IKZF2: variants seen among roughly 807,000 people sequenced by gnomAD.
IKZF2 encodes the protein zinc finger protein Helios.
In IKZF2, 15 loss-of-function variants were observed where a neutral mutation model predicts 49.2. The observed-to-expected ratio is 0.30, with a 90% CI of 0.20 to 0.47. The LOEUF (loss-of-function observed/expected upper bound fraction) is 0.47. Among genes scored for constraint, IKZF2 ranks in the 20% least tolerant of loss-of-function variants. The probability of loss-of-function intolerance (pLI) is 1.00; values close to 1 mark genes in which losing one functional copy is unlikely to be tolerated. For missense variants in IKZF2, 567 were observed against 664.6 expected (o/e 0.85, Z 1.61); for synonymous variants, 227 against 221.4 (o/e 1.03, Z -0.23).
rs1553539363 is a variant in IKZF2 at position 213,005,193 on chromosome 2, G to GGGGGT, written c.*2166_*2167insACCCC. ...ATTATTATTTGGGAGTGGTTGGGTG[G>GGGGGT]GGGGGGGTGAGCGAGTCTCAAAAAC... On this transcript the variant is annotated 3_prime_UTR_variant, in exon 9 of 9. Coordinates refer to ENST00000434687, the MANE Select transcript of IKZF2 (RefSeq NM_001387220.1). 7.4e-6 allele frequency: 1 copy of GGGGGT among 135,190 alleles called. No homozygotes were observed. Among genetic ancestry groups the GGGGGT allele is most frequent in the Admixed American group, 7.8e-5 (1 of 12,824 alleles). 8.4% of individuals were successfully genotyped at this position (135,190 alleles called of 1,614,324 possible). A position where few individuals can be genotyped will look rare whatever the true frequency, so the allele number is the denominator to read the frequency against.
chr2:213,124,275 CA>C lies in IKZF2; in HGVS notation c.139+23432del, dbSNP rs1467783942. Reference sequence around the variant, plus strand: ...GCGCACACACACACACACACACACACACACACACACACACACACACACAGCC... The same window carrying C: ...GCGCACACACACACACACACACACACCACACACACACACACACACACAGCC... On this transcript the variant is annotated intron_variant, in intron 4 of 8. Transcript: ENST00000434687. 7.0e-4 allele frequency among the ~76,000 whole-genome samples: 102 copies of C among 145,900 alleles called. 1 individual carries two copies. The highest frequency in any genetic ancestry group is 2.6e-3 in the African/African-American group (95 of 35,976).
rs989241395 is a variant in IKZF2 at position 213,097,578 on chromosome 2, C to A, written c.140-40479G>T. Among the ~76,000 whole-genome samples the A allele has an allele frequency of 2.0e-5, 3 of 152,010 alleles. No homozygotes were observed. The East Asian group carries it at 5.8e-4, about 29-fold the overall frequency. Reference sequence around the variant, plus strand: ...CAAATGACTTTTAAGATCAGTCATACCCTTGAGATTCTATGACTTACAAAA... The same window carrying A: ...CAAATGACTTTTAAGATCAGTCATAACCTTGAGATTCTATGACTTACAAAA... On this transcript the variant is annotated intron_variant, in intron 4 of 8. Transcript: ENST00000434687.
chr2:213,007,560 A>C lies in IKZF2; in HGVS notation c.1381T>G (p.Phe461Val). ...KGSLKDIYKVFNGEGEQIRAF... is the reference protein window; with the variant it reads ...KGSLKDIYKVVNGEGEQIRAF... Reference sequence around the variant, plus strand: ...CTAATCTGTTCTCCTTCTCCATTGAAGACCTTGTAGATGTCCTTCAGAGAG... The same window carrying C: ...CTAATCTGTTCTCCTTCTCCATTGACGACCTTGTAGATGTCCTTCAGAGAG... Residue 461 changes from phenylalanine (F) to valine (V), a missense_variant, in exon 9 of 9, where the codon TTC becomes GTC. Physicochemically the swap from Phe to Val is conservative, Grantham distance 50 (BLOSUM62 -1). Around this residue, in one of 5 missense-constraint regions of IKZF2, gnomAD observed 310 missense variants for 326.9 expected, o/e 0.95. Coordinates refer to ENST00000434687, the MANE Select transcript of IKZF2 (RefSeq NM_001387220.1). 6.2e-7 allele frequency: 1 copy of C among 1,613,724 alleles called. No homozygotes were observed. The highest frequency in any genetic ancestry group is 1.3e-5 in the African/African-American group (1 of 75,010).
chr2:213,099,610 T>G (rs1357005791), intron 4 of IKZF2, among the ~76,000 whole-genome samples: 1 of 152,172 alleles, frequency 6.6e-6, no homozygotes, highest in African/African-American at 2.4e-5. Context: ...CAGCTTTACC[T>G]ACAAGCACAA....
intron 4 of IKZF2, among the ~76,000 whole-genome samples, chr2:213,080,613 T>C (rs1447069543): frequency 6.6e-6 from 1 of 152,152 alleles, no homozygotes; most frequent in African/African-American, 2.4e-5. Flanking sequence ...AAATGAGAAC[T>C]AAATGTTCAG....
At chr2:213,107,055 G>C (rs554868732) in intron 4 of IKZF2, among the ~76,000 whole-genome samples, 1 of 152,226 alleles carries the variant, frequency 6.6e-6, no homozygotes, top group South Asian at 2.1e-4. Context: ...CATATAGAAG[G>C]ACACGGTAAG....
At chr2:213,032,802 G>C (rs1231253276) in intron 6 of IKZF2, among the ~76,000 whole-genome samples, 1 of 152,196 alleles carries the variant, frequency 6.6e-6, no homozygotes, top group Non-Finnish European at 1.5e-5. Flanking sequence ...GTGTTGCCTT[G>C]ATGTCGATGG....
At chr2:213,075,851 ATT>A (rs561325628) in intron 4 of IKZF2, among the ~76,000 whole-genome samples, 342 of 152,220 alleles carry the variant, frequency 2.2e-3, no homozygotes, top group Non-Finnish European at 3.9e-3. Context: ...TGGAAAGAAG[ATT>A]TTTGATTTTT....
chr2:213,063,926 G>A (rs1316702235), intron 4 of IKZF2, among the ~76,000 whole-genome samples: 1 of 151,938 alleles, frequency 6.6e-6, no homozygotes, highest in Non-Finnish European at 1.5e-5. Context: ...CTTAAGTCCC[G>A]AATGGTCAGA....
At chr2:213,019,877 T>C (rs1476841284) in intron 7 of IKZF2, among the ~76,000 whole-genome samples, 3 of 152,232 alleles carry the variant, frequency 2.0e-5, no homozygotes, top group African/African-American at 7.2e-5. Context: ...TCTCAAAATA[T>C]ACTTGTTTAA....
chr2:213,143,800 G>A (rs928586295), intron 4 of IKZF2, among the ~76,000 whole-genome samples: 3 of 151,860 alleles, frequency 2.0e-5, no homozygotes, highest in Non-Finnish European at 4.4e-5. Flanking sequence ...CGCCTGAAAA[G>A]ATAATCTGAT....
chr2:213,076,407 G>A (rs6435755), intron 4 of IKZF2, among the ~76,000 whole-genome samples: 67,117 of 152,000 alleles, frequency 0.44, 16,088 homozygotes, highest in African/African-American at 0.59. Flanking sequence ...CAAATAATGT[G>A]TAGTAGGCAT....
chr2:213,077,688 C>T lies in IKZF2; in HGVS notation c.140-20589G>A, dbSNP rs1000285676. Among the ~76,000 whole-genome samples, 11 of 149,932 alleles carry T rather than the reference C, an allele frequency of 7.3e-5. No individual in the cohort carries two copies. In the South Asian group the frequency reaches 8.5e-4, roughly 12 times the overall value. ...CTGCAAGCTCCACCTCCCAGGTTCA[C>T]GCCATTCTCCTGCCCCAGCCTCCCA... On this transcript the variant is annotated intron_variant, in intron 4 of 8. Transcript: ENST00000434687.
chr2:213,032,636 G>A (rs773834320), intron 6 of IKZF2, among the ~76,000 whole-genome samples: 4 of 152,082 alleles, frequency 2.6e-5, no homozygotes, highest in East Asian at 1.9e-4. Context: ...CCAGTTACTC[G>A]GGAGGCTGAG....
intron 4 of IKZF2, among the ~76,000 whole-genome samples, chr2:213,136,792 T>C (rs893268052): frequency 2.6e-5 from 4 of 152,232 alleles, no homozygotes; most frequent in African/African-American, 9.6e-5. Context: ...AAGTCAACTA[T>C]ATCAAGTTTT....
chr2:213,042,808 A>G, intron 6 of IKZF2, among the ~76,000 whole-genome samples: 1 of 152,130 alleles, frequency 6.6e-6, no homozygotes, highest in Non-Finnish European at 1.5e-5. Context: ...CTATTCAACA[A>G]CCAAATTTCT....
chr2:213,070,822 T>C (rs1351204461), intron 4 of IKZF2, among the ~76,000 whole-genome samples: 4 of 152,072 alleles, frequency 2.6e-5, no homozygotes, highest in Non-Finnish European at 4.4e-5. Context: ...ATAATACTGC[T>C]GGAAAAGAAA....
At chr2:213,105,926 C>T (rs1030861621) in intron 4 of IKZF2, among the ~76,000 whole-genome samples, 4 of 152,172 alleles carry the variant, frequency 2.6e-5, no homozygotes, top group Non-Finnish European at 5.9e-5. Context: ...ACTTGTTTTA[C>T]ACTGACTTAA....
chr2:213,019,817 T>C (rs1272702035), intron 7 of IKZF2, among the ~76,000 whole-genome samples: 3 of 152,146 alleles, frequency 2.0e-5, no homozygotes, highest in Non-Finnish European at 2.9e-5. Flanking sequence ...ATCTGGGGAA[T>C]AGGGGGTAAG....
Sources: allele counts gnomAD v4.1 joint callset (sites outside exome capture counted in the v4.1 genomes callset), GRCh38; gene constraint gnomAD v4.1.1; regional missense constraint gnomAD v4.1.1; transcripts MANE v1.5; gene names NCBI Gene and HGNC (gene_info 2026-07-23, HGNC 2026-07-21).